Variants in EPB41L2 observed in about 807,000 individuals in gnomAD.
The protein encoded by EPB41L2 is erythrocyte membrane protein band 4.1 like 2.
In EPB41L2, 43 loss-of-function variants were observed where a neutral mutation model predicts 113.0. That is an observed-to-expected ratio of 0.38 (90% confidence interval 0.30 to 0.49). EPB41L2 has a LOEUF of 0.49. Ranked by LOEUF, EPB41L2 falls within the 20% of genes least tolerant of loss-of-function variation. EPB41L2 has a pLI of 0.95. For synonymous variants in EPB41L2, 442 were observed against 436.7 expected (o/e 1.01, Z -0.15); for missense variants, 1,147 against 1,223.4 (o/e 0.94, Z 0.93).
At chr6:130,922,076 G>A (rs1236826661) in intron 4 of EPB41L2, among the ~76,000 whole-genome samples, 3 of 152,166 alleles carry the variant, frequency 2.0e-5, no homozygotes, top group African/African-American at 7.2e-5. Flanking sequence ...ATGCGCACAC[G>A]CACGCACGTG....
chr6:130,964,966 A>T (rs1774661688), intron 1 of EPB41L2, among the ~76,000 whole-genome samples: 1 of 152,142 alleles, frequency 6.6e-6, no homozygotes, highest in South Asian at 2.1e-4. Context: ...CTACTATATA[A>T]CTTGCACCTA....
At chr6:130,870,521 G>A in intron 14 of EPB41L2, 1 of 844,268 alleles carries the variant, frequency 1.2e-6, no homozygotes, top group Non-Finnish European at 1.8e-6. Context: ...TCACATAGAG[G>A]ACAATCAAGA....
intron 4 of EPB41L2, among the ~76,000 whole-genome samples, chr6:130,911,240 C>G (rs1291193022): frequency 6.6e-6 from 1 of 152,100 alleles, no homozygotes; most frequent in Non-Finnish European, 1.5e-5. Flanking sequence ...ATGGATGAAG[C>G]TGGAAACCAT....
intron 3 of EPB41L2, among the ~76,000 whole-genome samples, chr6:130,927,271 C>A (rs1805077957): frequency 6.6e-6 from 1 of 151,950 alleles, no homozygotes; most frequent in African/African-American, 2.4e-5. Context: ...TCTAAAAATA[C>A]AAGATAATGG....
chr6:131,007,303 CCG>C (rs1435389682), intron 1 of EPB41L2, among the ~76,000 whole-genome samples: 1 of 152,178 alleles, frequency 6.6e-6, no homozygotes, highest in Admixed American at 6.5e-5. Context: ...CTCTCTCCTG[CCG>C]CCCTGTGAGG....
chr6:130,894,532 A>C, intron 9 of EPB41L2, 91 bp from the exon 10 acceptor site: 1 of 1,156,402 alleles, frequency 8.6e-7, no homozygotes, highest in South Asian at 1.3e-5. Context: ...TTCTGTGAGA[A>C]GCAATTATTC....
Position 130,956,203 on chromosome 6 carries a change from C to A in EPB41L2, c.283G>T (p.Asp95Tyr). The change falls in exon 2 of 20, where the codon GAT becomes TAT. Residue 95 changes from aspartate to tyrosine, a missense_variant. Coordinates refer to ENST00000337057, the MANE Select transcript of EPB41L2 (RefSeq NM_001431.4). ...GTAGGCTCTTTTTTATCTCCTCCAT[C>A]TTTGGCCACTACTAAGGTATATGAC... The part of the protein sequence containing the change: ...QKSYTLVVAK[D>Y]GGDKKEPTQA... 6.2e-7 allele frequency: 1 copy of A among 1,614,194 alleles called. No individual in the cohort carries two copies.
Position 130,865,540 on chromosome 6 carries a change from G to A in EPB41L2, c.2825C>T (p.Thr942Ile), listed in dbSNP as rs1031648055. The change falls in exon 17 of 20, where the codon ACC (threonine) becomes ATC (isoleucine). Residue 942 changes from threonine to isoleucine, a missense_variant. Transcript: ENST00000337057. ...SVSTTTTTHI[T>I]KTVKGGISET... is the part of the protein sequence containing the mutation. The stretch of plus-strand genomic sequence containing the variant: ...TGATCCCCTGCATTGCTTTACCTTG[G>A]TGATGTGTGTGGTTGTCGTTGTTGA... 4 of 1,614,018 alleles carry A rather than the reference G, an allele frequency of 2.5e-6. No homozygotes were observed. Among genetic ancestry groups the A allele is most frequent in the South Asian group, 1.1e-5 (1 of 91,054 alleles).
chr6:131,059,207 C>G (rs188518217), intron 1 of EPB41L2, among the ~76,000 whole-genome samples: 1 of 151,498 alleles, frequency 6.6e-6, no homozygotes, highest in African/African-American at 2.4e-5. Flanking sequence ...CTCTGCCTCC[C>G]GGGTTCACGC....
chr6:130,885,192 A>G lies in EPB41L2; in HGVS notation c.1737T>C (p.Pro579=), dbSNP rs1454724998. The change falls in exon 12 of 20, where the codon CCT becomes CCC. Residue 579 remains proline, a synonymous_variant. Transcript: ENST00000337057. The stretch of plus-strand genomic sequence containing the variant: ...GTACCACGGCAATGCTGACAAGTCC[A>G]GGTCCATAGGCTGAAATCTCCCCAG... The part of the protein sequence containing the change: ...GAAGEISAYG[P]GLVSIAVVQD... 6.2e-7 allele frequency: 1 copy of G among 1,614,060 alleles called. No homozygotes were observed. Among genetic ancestry groups the G allele is most frequent in the African/African-American group, 1.3e-5 (1 of 74,936 alleles).
At chr6:131,029,811 C>A (rs903742314) in intron 1 of EPB41L2, among the ~76,000 whole-genome samples, 4 of 152,112 alleles carry the variant, frequency 2.6e-5, no homozygotes, top group African/African-American at 9.7e-5. Flanking sequence ...GCTGTTGGTG[C>A]CACAATACCT....
At chr6:130,845,093 T>C (rs1210013482) in intron 19 of EPB41L2, among the ~76,000 whole-genome samples, 1 of 152,218 alleles carries the variant, frequency 6.6e-6, no homozygotes, top group Non-Finnish European at 1.5e-5. Context: ...AATGCAAGCA[T>C]GCTAAATTTC....
chr6:130,904,631 G>T, intron 5 of EPB41L2, 91 bp from the exon 6 acceptor site: 1 of 604,948 alleles, frequency 1.7e-6, no homozygotes, highest in South Asian at 4.6e-5. Context: ...AAACAGTACA[G>T]ACTAATCCAA....
chr6:130,910,186 G>A (rs1583342085), intron 4 of EPB41L2, among the ~76,000 whole-genome samples: 1 of 152,078 alleles, frequency 6.6e-6, no homozygotes, highest in East Asian at 1.9e-4. Context: ...CAGATATATA[G>A]ACCAATGGAA....
intron 1 of EPB41L2, among the ~76,000 whole-genome samples, chr6:130,985,410 T>A (rs1362109483): frequency 6.6e-6 from 1 of 152,162 alleles, no homozygotes; most frequent in Non-Finnish European, 1.5e-5. Context: ...CAACTGTCAG[T>A]GCACCTCATT....
chr6:131,048,916 T>TA (rs1380151777), intron 1 of EPB41L2, among the ~76,000 whole-genome samples: 1 of 152,008 alleles, frequency 6.6e-6, no homozygotes, highest in Admixed American at 6.6e-5. Context: ...AAAAAGTCCT[T>TA]AAAAAAATGC....
At chr6:130,932,493 T>C (rs1455120926) in intron 3 of EPB41L2, among the ~76,000 whole-genome samples, 1 of 152,218 alleles carries the variant, frequency 6.6e-6, no homozygotes, top group Non-Finnish European at 1.5e-5. Context: ...TTGCCCCAGA[T>C]AAAGAGAACC....
rs567723305 is a variant in EPB41L2, at chr6:131,028,229, C to G, written c.-15+34926G>C. ...AGTGGACAAAATGATTATTAGGCCA[C>G]TTAGAAGAGTATATGCCAAACAAGC... On this transcript the variant is annotated intron_variant, in intron 1 of 19. Coordinates refer to ENST00000337057, the MANE Select transcript of EPB41L2 (RefSeq NM_001431.4). Among the ~76,000 whole-genome samples, 4 of 152,296 alleles carry G rather than the reference C, an allele frequency of 2.6e-5. No individual in the cohort carries two copies. In the Middle Eastern group the frequency reaches 0.01, roughly 389 times the overall value.
chr6:130,959,003 C>T (rs1020988853), intron 1 of EPB41L2, among the ~76,000 whole-genome samples: 4 of 152,080 alleles, frequency 2.6e-5, no homozygotes, highest in African/African-American at 7.2e-5. Context: ...TTGATCCAGA[C>T]CTGAGAAGAC....
Sources: allele counts gnomAD v4.1 joint callset (sites outside exome capture counted in the v4.1 genomes callset), GRCh38; gene constraint gnomAD v4.1.1; transcripts MANE v1.5; gene names NCBI Gene and HGNC (gene_info 2026-07-23, HGNC 2026-07-21).